The following CYRIB variants were observed in gnomAD, a reference collection of about 807,000 sequenced individuals.
CYRIB encodes CYFIP-related Rac1 interactor B.
In CYRIB, 8 loss-of-function variants were observed where a neutral mutation model predicts 44.2. The ratio of observed to expected loss-of-function variants is 0.18; its 90% confidence interval spans 0.11 to 0.33. The LOEUF (loss-of-function observed/expected upper bound fraction) is 0.33. CYRIB is among the 10% of genes least tolerant of loss of function. The probability of loss-of-function intolerance (pLI) is 1.00; values close to 1 mark genes in which losing one functional copy is unlikely to be tolerated. For missense variants in CYRIB, 185 were observed against 382.8 expected, an observed-to-expected ratio of 0.48 and a Z score of 4.31; for synonymous variants, 131 against 127.2, an observed-to-expected ratio of 1.03 and a Z score of -0.20.
At chr8:129,870,212 C>T (rs2056535663) in intron 4 of CYRIB, among the ~76,000 whole-genome samples, 1 of 152,092 alleles carries the variant, frequency 6.6e-6, no homozygotes, top group African/African-American at 2.4e-5. Context: ...CACTTGAGGC[C>T]AGGAGTTCAA....
chr8:129,980,159 A>C (rs994950465), intron 1 of CYRIB, among the ~76,000 whole-genome samples: 6 of 150,084 alleles, frequency 4.0e-5, no homozygotes, highest in African/African-American at 1.5e-4. Flanking sequence ...GGGCCAGAGA[A>C]GGAGGTTGCA....
chr8:129,922,457 AAG>A lies in CYRIB; in HGVS notation c.-50+17149_-50+17150del, dbSNP rs1465153671. Among the ~76,000 whole-genome samples the A allele has an allele frequency of 2.0e-5, 3 of 152,248 alleles. No homozygotes were observed. In the East Asian group the frequency reaches 5.8e-4, roughly 29 times the overall value. On this transcript the variant is annotated intron_variant, in intron 1 of 11. Coordinates refer to ENST00000519824, the Ensembl canonical transcript of CYRIB. ...TACAGATCAGTTTTTTGAGATATTTAAGAGGTCCCAGGATAATTAAAAAGAAA... is the reference window on the plus strand; with the variant it reads ...TACAGATCAGTTTTTTGAGATATTTAAGGTCCCAGGATAATTAAAAAGAAA...
intron 1 of CYRIB, among the ~76,000 whole-genome samples, chr8:129,910,327 GT>G (rs1190238492): frequency 2.6e-5 from 4 of 152,256 alleles, no homozygotes; most frequent in African/African-American, 9.6e-5. Context: ...ATATATCTTT[GT>G]TGAAATAACT....
intron 2 of CYRIB, among the ~76,000 whole-genome samples, chr8:129,969,882 T>C (rs568055380): frequency 6.6e-6 from 1 of 152,286 alleles, no homozygotes; most frequent in South Asian, 2.1e-4. Flanking sequence ...AGACGCCCAT[T>C]GGGTGGAATG....
intron 1 of CYRIB, among the ~76,000 whole-genome samples, chr8:129,930,141 G>A (rs1316275087): frequency 6.6e-6 from 1 of 151,452 alleles, no homozygotes; most frequent in Admixed American, 6.6e-5. Context: ...AACCCGGGAG[G>A]CGGAGCTTGC....
At chr8:129,937,558 T>C (rs1733716581) in intron 1 of CYRIB, among the ~76,000 whole-genome samples, 2 of 152,328 alleles carry the variant, frequency 1.3e-5, no homozygotes, top group Admixed American at 6.5e-5. Flanking sequence ...GAAAAATGAA[T>C]TTTAAGTTCG....
chr8:129,984,633 G>A (rs961829047), intron 1 of CYRIB, among the ~76,000 whole-genome samples: 4 of 152,204 alleles, frequency 2.6e-5, no homozygotes, highest in Admixed American at 6.5e-5. Context: ...CAGAAAACAG[G>A]CAGGCTCTAC....
intron 1 of CYRIB, among the ~76,000 whole-genome samples, chr8:129,990,969 A>G (rs1012088391): frequency 6.6e-6 from 1 of 151,940 alleles, no homozygotes; most frequent in Non-Finnish European, 1.5e-5. Flanking sequence ...CATCTCTACT[A>G]AAAAGACAAA....
intron 2 of CYRIB, among the ~76,000 whole-genome samples, chr8:129,968,237 T>C (rs988173709): frequency 6.6e-5 from 10 of 152,262 alleles, no homozygotes; most frequent in Admixed American, 2.0e-4. Flanking sequence ...GTCTCTCAGC[T>C]CAGCTCATTA....
chr8:129,857,446 T>G (rs952300549), intron 5 of CYRIB, among the ~76,000 whole-genome samples: 2 of 152,150 alleles, frequency 1.3e-5, no homozygotes, highest in Non-Finnish European at 2.9e-5. Context: ...CTTGAGGAAC[T>G]GCAACACCAC....
intron 11 of CYRIB, among the ~76,000 whole-genome samples, chr8:129,845,907 G>A (rs2039688059): frequency 6.6e-6 from 1 of 152,220 alleles, no homozygotes; most frequent in Non-Finnish European, 1.5e-5. Context: ...ACTCTGGGAG[G>A]CCAAGGTGGG....
chr8:129,846,794 A>G lies in CYRIB; in HGVS notation c.911+10T>C. The G allele has an allele frequency of 6.3e-7, 1 of 1,578,418 alleles. No homozygotes were observed. The highest frequency in any genetic ancestry group is 8.6e-7 in the Non-Finnish European group (1 of 1,164,644). On this transcript the variant is annotated intron_variant, in intron 11 of 11. Coordinates refer to ENST00000519824, the Ensembl canonical transcript of CYRIB. ...TTTTTCTGTACATACGTACACGTAC[A>G]TATACACACCTGAGAGCATTTAGAA...
chr8:129,925,391 T>TAAA (rs764596620), intron 1 of CYRIB, among the ~76,000 whole-genome samples: 2 of 151,748 alleles, frequency 1.3e-5, no homozygotes, highest in Non-Finnish European at 2.9e-5. Context: ...GACTCCGTCT[T>TAAA]AAAAAATAAT....
At chr8:129,933,856 A>G (rs1334480924) in intron 1 of CYRIB, among the ~76,000 whole-genome samples, 1 of 151,640 alleles carries the variant, frequency 6.6e-6, no homozygotes, top group East Asian at 1.9e-4. Context: ...CCTGGGTGAC[A>G]GGGTGACAGA....
intron 7 of CYRIB, among the ~76,000 whole-genome samples, 190 bp downstream of exon 9, chr8:129,854,074 CTG>C (rs527451083): frequency 2.6e-4 from 40 of 152,280 alleles, no homozygotes; most frequent in African/African-American, 8.7e-4. Context: ...ATTTAAGAGA[CTG>C]TGAAGAAAAA....
At chr8:129,862,887 A>G (rs1308849137) in intron 4 of CYRIB, among the ~76,000 whole-genome samples, 1 of 152,246 alleles carries the variant, frequency 6.6e-6, no homozygotes, top group Admixed American at 6.5e-5. Flanking sequence ...AACCTTAGTT[A>G]GATACATAAC....
chr8:129,957,635 A>T (rs2094930237), intron 2 of CYRIB, among the ~76,000 whole-genome samples: 1 of 152,130 alleles, frequency 6.6e-6, no homozygotes, highest in Admixed American at 6.6e-5. Context: ...GTTCCAGACC[A>T]GCCTGGCCAA....
intron 2 of CYRIB, chr8:129,880,590 T>C (rs1297920474): frequency 4.5e-6 from 1 of 224,096 alleles, no homozygotes; most frequent in African/African-American, 2.3e-5. Context: ...ATTGAGAATT[T>C]GGAACAACAA....
intron 2 of CYRIB, among the ~76,000 whole-genome samples, chr8:129,893,786 C>G (rs1278192035): frequency 6.6e-6 from 1 of 151,170 alleles, no homozygotes; most frequent in Non-Finnish European, 1.5e-5. Context: ...CCTTCCACCT[C>G]TGACTTCAAG....
Sources: allele counts gnomAD v4.1 joint callset (sites outside exome capture counted in the v4.1 genomes callset), GRCh38; gene constraint gnomAD v4.1.1; transcripts MANE v1.5; gene names NCBI Gene and HGNC (gene_info 2026-07-23, HGNC 2026-07-21).